Variants in ENTREP2 observed in about 807,000 individuals in gnomAD.
ENTREP2 encodes the protein protein ENTREP2.
the ENTREP2 span, among the ~76,000 whole-genome samples, chr15:29,371,991 A>G: frequency 2.1e-4 from 32 of 152,302 alleles, no homozygotes; most frequent in East Asian, 6.0e-3. Context: ...AATTTCCCCA[A>G]CAATTTTTCT....
At chr15:29,177,183 T>TG in the ENTREP2 span, among the ~76,000 whole-genome samples, 1 of 152,030 alleles carries the variant, frequency 6.6e-6, no homozygotes, top group Non-Finnish European at 1.5e-5. Context: ...TGGGAGCGGC[T>TG]GGGGGAGGAT....
chr15:29,442,780 C>T, the ENTREP2 span, among the ~76,000 whole-genome samples: 2 of 152,186 alleles, frequency 1.3e-5, no homozygotes, highest in Non-Finnish European at 2.9e-5. Context: ...ATGGGAAAAA[C>T]AGAAGATGAA....
chr15:29,526,393 A>G, the ENTREP2 span, among the ~76,000 whole-genome samples: 6 of 151,888 alleles, frequency 4.0e-5, no homozygotes, highest in East Asian at 7.7e-4. Context: ...TCCAACCCCC[A>G]CTGATAAATT....
the ENTREP2 span, among the ~76,000 whole-genome samples, chr15:29,519,636 T>G: frequency 6.6e-6 from 1 of 152,206 alleles, no homozygotes; most frequent in Non-Finnish European, 1.5e-5. Context: ...TGTTTATTAG[T>G]AAGGCTTCCA....
At chr15:29,244,570 G>C in the ENTREP2 span, among the ~76,000 whole-genome samples, 1 of 152,236 alleles carries the variant, frequency 6.6e-6, no homozygotes, top group African/African-American at 2.4e-5. Flanking sequence ...GAAGGCTGTG[G>C]TCATCTCATG....
chr15:29,476,519 A>G, the ENTREP2 span, among the ~76,000 whole-genome samples: 1 of 152,184 alleles, frequency 6.6e-6, no homozygotes, highest in African/African-American at 2.4e-5. Context: ...GAAAGGACAC[A>G]TCCCTCTTCG....
chr15:29,628,542 T>G, the ENTREP2 span, among the ~76,000 whole-genome samples: 2 of 152,234 alleles, frequency 1.3e-5, no homozygotes, highest in Non-Finnish European at 2.9e-5. Flanking sequence ...TGATTGATGG[T>G]GATGTTCAGT....
the ENTREP2 span, among the ~76,000 whole-genome samples, chr15:29,477,341 G>T: frequency 1.3e-5 from 2 of 152,066 alleles, no homozygotes; most frequent in African/African-American, 4.8e-5. Flanking sequence ...CATTCAGTTT[G>T]TAAAAAACAT....
At chr15:29,470,980 G>A in the ENTREP2 span, among the ~76,000 whole-genome samples, 76,972 of 152,042 alleles carry the variant, frequency 0.51, 20,573 homozygotes, top group African/African-American at 0.7. Context: ...GCTATGGCTC[G>A]AAGTGACTCT....
At chr15:29,277,286 G>A in the ENTREP2 span, among the ~76,000 whole-genome samples, 1 of 151,530 alleles carries the variant, frequency 6.6e-6, no homozygotes, top group African/African-American at 2.4e-5. Flanking sequence ...AGCTTACAGT[G>A]AGCCAAGATT....
chr15:29,565,189 C>CT, the ENTREP2 span, among the ~76,000 whole-genome samples: 1 of 152,116 alleles, frequency 6.6e-6, no homozygotes, highest in Non-Finnish European at 1.5e-5. Flanking sequence ...AATGAAATAT[C>CT]TTTCTGCTTC....
the ENTREP2 span, among the ~76,000 whole-genome samples, chr15:29,217,663 G>GT: frequency 2.0e-5 from 3 of 152,036 alleles, no homozygotes; most frequent in South Asian, 2.1e-4. Context: ...TTCACTTCTT[G>GT]TATCATTTTT....
chr15:29,204,106 C>T, the ENTREP2 span, among the ~76,000 whole-genome samples: 3 of 152,292 alleles, frequency 2.0e-5, no homozygotes, highest in East Asian at 1.9e-4. Context: ...TCCCTGACCT[C>T]GACATCTGGG....
chr15:29,159,716 G>A, the ENTREP2 span, among the ~76,000 whole-genome samples: 11 of 152,086 alleles, frequency 7.2e-5, no homozygotes, highest in Non-Finnish European at 1.3e-4. Flanking sequence ...GTCGATTGGT[G>A]CATTCACAAA....
chr15:29,631,123 T>A, the ENTREP2 span, among the ~76,000 whole-genome samples: 8 of 152,264 alleles, frequency 5.3e-5, no homozygotes, highest in Admixed American at 4.6e-4. Context: ...GTTCCTTTTT[T>A]ACATCTTCTA....
the ENTREP2 span, chr15:29,124,613 G>C: frequency 7.7e-7 from 1 of 1,297,960 alleles, no homozygotes. Flanking sequence ...AAACAATGTA[G>C]CCAAGGACCC....
At chr15:29,309,420 C>T in the ENTREP2 span, among the ~76,000 whole-genome samples, 2 of 152,124 alleles carry the variant, frequency 1.3e-5, no homozygotes, top group African/African-American at 4.8e-5. Flanking sequence ...TAGACCAGGT[C>T]TCCCGGGGTC....
chr15:29,625,578 T>G, the ENTREP2 span, among the ~76,000 whole-genome samples: 4 of 151,970 alleles, frequency 2.6e-5, no homozygotes, highest in Non-Finnish European at 5.9e-5. Flanking sequence ...GTATTTTTAG[T>G]GGAGACAGGG....
chr15:29,222,964 C>G, the ENTREP2 span, among the ~76,000 whole-genome samples: 2 of 152,212 alleles, frequency 1.3e-5, no homozygotes, highest in African/African-American at 4.8e-5. Context: ...GAGAAAACTG[C>G]TCATAGCAGT....
Sources: gnomAD v4.1 joint callset for allele counts (sites outside exome capture counted in the v4.1 genomes callset) on GRCh38, gnomAD v4.1.1 for gene constraint, MANE v1.5 for transcripts, NCBI Gene and HGNC (gene_info 2026-07-23, HGNC 2026-07-21) for gene names.